The following POLE3 variants were observed in gnomAD, a reference collection of about 807,000 sequenced individuals.
POLE3 encodes DNA polymerase epsilon 3, accessory subunit.
Under a neutral mutation model 16.1 loss-of-function variants are expected in POLE3, and 10 were observed. The observed-to-expected ratio is 0.62, with a 90% CI of 0.38 to 1.05. POLE3 has a LOEUF of 1.05. Ranked by LOEUF, POLE3 falls within the 50% of genes least tolerant of loss-of-function variation. The pLI, the probability that POLE3 is intolerant of heterozygous loss-of-function variation, is 0.01. For synonymous variants in POLE3, 83 were observed against 71.0 expected (o/e 1.17, Z -0.85); for missense variants, 169 against 185.0 (o/e 0.91, Z 0.50).
chr9:113,408,961 G>T lies in POLE3; in HGVS notation c.294C>A (p.Gly98=), dbSNP rs763933397. The part of the protein sequence containing the change: ...ALEAYRREQK[G]KKEASEQKKK... ...TCTTTTGCTCTGAGGCCTCCTTCTTGCCTTTCTGCTCCCGCCTATATGCTG... is the reference window on the plus strand; with the variant it reads ...TCTTTTGCTCTGAGGCCTCCTTCTTTCCTTTCTGCTCCCGCCTATATGCTG... Residue 98 remains glycine, a synonymous_variant, in exon 5 of 5, where the codon GGC becomes GGA. Transcript: ENST00000374171. The T allele has an allele frequency of 1.4e-5, 22 of 1,613,572 alleles. No individual in the cohort carries two copies. Among genetic ancestry groups the T allele is most frequent in the Non-Finnish European group, 1.9e-5 (22 of 1,179,896 alleles).
chr9:113,408,271 G>C lies in POLE3; in HGVS notation c.*540C>G, dbSNP rs1227541152. The C allele has an allele frequency of 1.3e-5, 2 of 152,370 alleles. No individual in the cohort carries two copies. The highest frequency in any genetic ancestry group is 2.9e-5 in the Non-Finnish European group (2 of 68,154). 9.4% of individuals were successfully genotyped at this position (152,370 alleles called of 1,614,324 possible). On this transcript the variant is annotated 3_prime_UTR_variant, in exon 5 of 5. Coordinates refer to ENST00000374171, the MANE Select transcript of POLE3 (RefSeq NM_017443.5). ...AGTTAATGCTTCTGTCAAGTGAAGA[G>C]AGAGAACGGATTTTGTTATTCTCCC...
intron 4 of POLE3, 73 bp downstream of exon 4, chr9:113,409,537 G>C: frequency 1.1e-6 from 1 of 904,862 alleles, no homozygotes; most frequent in Non-Finnish European, 1.8e-6. Flanking sequence ...CGCTGAGAAG[G>C]CTCAGGGCCT....
rs14419 is a variant in POLE3, at chr9:113,408,279, G to A, written c.*532C>T. On this transcript the variant is annotated 3_prime_UTR_variant, in exon 5 of 5. Transcript: ENST00000374171. Reference sequence around the variant, plus strand: ...CTTCTGTCAAGTGAAGAGAGAGAACGGATTTTGTTATTCTCCCACAGCATT... The same window carrying A: ...CTTCTGTCAAGTGAAGAGAGAGAACAGATTTTGTTATTCTCCCACAGCATT... 55,628 of 152,080 alleles carry A rather than the reference G, an allele frequency of 0.37. 10,775 individuals are homozygous for A. Among genetic ancestry groups the A allele is most frequent in the African/African-American group, 0.47 (19,443 of 41,450 alleles). The allele number at this position is 152,080 out of a possible 1,614,324, so 9.4% of individuals were successfully genotyped here.
intron 4 of POLE3, 55 bp downstream of exon 4, chr9:113,409,555 A>C: frequency 1.1e-5 from 11 of 1,039,090 alleles, no homozygotes; most frequent in Non-Finnish European, 1.7e-5. Context: ...CCTGGTGAAC[A>C]GGTCACACAG....
rs561649053 is a variant in POLE3, at chr9:113,410,045, T to C, written c.152+10A>G. The C allele has an allele frequency of 1.4e-5, 21 of 1,553,014 alleles. No individual in the cohort carries two copies. The highest frequency in any genetic ancestry group is 1.8e-5 in the Non-Finnish European group (21 of 1,148,764). ...TCCCCGCGCCTCCCTTATGCCTCTG[T>C]CCCGCTCACCAGGATGTGGCGTACA... On this transcript the variant is annotated intron_variant, in intron 3 of 4. Transcript: ENST00000374171.
intron 4 of POLE3, 141 bp downstream of exon 4, chr9:113,409,469 C>A: frequency 1.6e-6 from 1 of 623,716 alleles, no homozygotes; most frequent in South Asian, 1.9e-5. Flanking sequence ...TGAGGTGGTG[C>A]CCACCGAACT....
chr9:113,409,539 T>C, intron 4 of POLE3, 71 bp downstream of exon 4: 1 of 927,218 alleles, frequency 1.1e-6, no homozygotes, highest in Non-Finnish European at 1.8e-6. Context: ...CTGAGAAGGC[T>C]CAGGGCCTGG....
chr9:113,410,138 G>C lies in POLE3; in HGVS notation c.69C>G (p.Leu23=), dbSNP rs578064631. The C allele has an allele frequency of 6.3e-7, 1 of 1,599,902 alleles. No individual in the cohort carries two copies. Among genetic ancestry groups the C allele is most frequent in the Non-Finnish European group, 8.5e-7 (1 of 1,173,770 alleles). Reference sequence around the variant, plus strand: ...CCTTGGAGATGTTGACACCGTCCGGGAGCTGCGAGGAGACCGGGGGTGAGC... The same window carrying C: ...CCTTGGAGATGTTGACACCGTCCGGCAGCTGCGAGGAGACCGGGGGTGAGC... ...AVITRIIKEA[L]PDGVNISKEA... The change falls in exon 3 of 5, where the codon CTC becomes CTG. Residue 23 remains leucine (L), a splice_region_variant and synonymous_variant. Transcript: ENST00000374171.
intron 4 of POLE3, 92 bp from the exon 5 acceptor site, chr9:113,409,075 G>A: frequency 1.6e-6 from 2 of 1,226,830 alleles, no homozygotes; most frequent in East Asian, 4.7e-5. Flanking sequence ...TGGAAAAACG[G>A]AGGCAGATGG....
intron 3 of POLE3, 158 bp downstream of exon 3, chr9:113,409,897 T>C: frequency 1.3e-6 from 1 of 752,564 alleles, no homozygotes; most frequent in Non-Finnish European, 2.2e-6. Context: ...CAAAGTGATT[T>C]TGTTGTGTTA....
rs1247625489 is a variant in POLE3 at position 113,409,515 on chromosome 9, T to TAA, written c.271+93_271+94dup. The TAA allele has an allele frequency of 1.6e-5, 12 of 758,562 alleles. No homozygotes were observed. The East Asian group carries it at 2.9e-4, about 19-fold the overall frequency. The allele number at this position is 758,562 out of a possible 1,614,324, so 47.0% of individuals were successfully genotyped here. ...ACATCAAGTGCTGGCTTACTGGACT[T>TAA]AAAGGGACCCGCGCTGAGAAGGCTC... On this transcript the variant is annotated intron_variant, in intron 4 of 4. Transcript: ENST00000374171.
intron 2 of POLE3, 28 bp downstream of exon 2, chr9:113,410,200 G>T (rs1336774342): frequency 1.7e-5 from 28 of 1,611,860 alleles, no homozygotes; most frequent in Non-Finnish European, 2.2e-5. Context: ...CCTCCTGCCC[G>T]TTCGTCCGCC....
chr9:113,408,726 C>T lies in POLE3; in HGVS notation c.*85G>A. ...GGCACTTTTGCCTGAGACTACTCTGCCCAGCATGGAAAAGCTTCACAGAAA... is the reference window on the plus strand; with the variant it reads ...GGCACTTTTGCCTGAGACTACTCTGTCCAGCATGGAAAAGCTTCACAGAAA... On this transcript the variant is annotated 3_prime_UTR_variant, in exon 5 of 5. Transcript: ENST00000374171. 1 of 1,150,288 alleles carries T rather than the reference C, an allele frequency of 8.7e-7. No homozygotes were observed. The allele number at this position is 1,150,288 out of a possible 1,614,324, so 71.3% of individuals were successfully genotyped here.
In POLE3 at chr9:113,408,849, C is replaced by T. The variant is rs866317642; in HGVS notation, c.406G>A (p.Glu136Lys). 3.7e-6 allele frequency: 6 copies of T among 1,613,714 alleles called. No individual in the cohort carries two copies. Among genetic ancestry groups the T allele is most frequent in the Middle Eastern group, 1.7e-4 (1 of 6,060 alleles). Residue 136 changes from glutamate to lysine, a missense_variant, in exon 5 of 5, where the codon GAA becomes AAA. Glu to Lys is a moderately conservative substitution (Grantham distance 56). Transcript: ENST00000374171. ...DNDEDEERLE[E>K]EEQNEEEEVD... ...TCTTCCTCTTCATTCTGTTCTTCTT[C>T]TTCCAGCCTTTCTTCGTCTTCATCA...
Position 113,408,609 on chromosome 9 carries a change from A to T in POLE3, c.*202T>A. 2 of 483,204 alleles carry T rather than the reference A, an allele frequency of 4.1e-6. No homozygotes were observed. 29.9% of individuals were successfully genotyped at this position (483,204 alleles called of 1,614,324 possible). On this transcript the variant is annotated 3_prime_UTR_variant, in exon 5 of 5. Coordinates refer to ENST00000374171, the MANE Select transcript of POLE3 (RefSeq NM_017443.5). Reference sequence around the variant, plus strand: ...AAGGCCATAACCTTCAGATTGATGAAGCAAAACAGGATTCTGCTACTCAGA... The same window carrying T: ...AAGGCCATAACCTTCAGATTGATGATGCAAAACAGGATTCTGCTACTCAGA...
At chr9:113,409,309 G>A (rs1373170111) in intron 4 of POLE3, among the ~76,000 whole-genome samples, 1 of 141,498 alleles carries the variant, frequency 7.1e-6, no homozygotes, top group African/African-American at 2.7e-5. Context: ...GCGGTGAGCT[G>A]AGATCCCATC....
intron 4 of POLE3, 139 bp downstream of exon 4, chr9:113,409,471 C>G: frequency 1.6e-6 from 1 of 632,470 alleles, no homozygotes. Flanking sequence ...AGGTGGTGCC[C>G]ACCGAACTGG....
At chr9:113,409,498 T>A in intron 4 of POLE3, 112 bp downstream of exon 4, 1 of 695,256 alleles carries the variant, frequency 1.4e-6, no homozygotes, top group Non-Finnish European at 2.6e-6. Context: ...TCACATCAAG[T>A]GCTGGCTTAC....
Position 113,410,597 on chromosome 9 carries a change from C to A in POLE3, c.-116+20G>T, listed in dbSNP as rs1828088754. On this transcript the variant is annotated intron_variant, in intron 1 of 4. Coordinates refer to ENST00000374171, the MANE Select transcript of POLE3 (RefSeq NM_017443.5). ...CCATTTCTCTGCTTCTCGCCATCGC[C>A]GCGTCGGGAACCTTCTCACCAACTT... 6.2e-6 allele frequency: 3 copies of A among 485,274 alleles called. No homozygotes were observed. In the South Asian group the frequency reaches 8.4e-5, roughly 14 times the overall value. The allele number at this position is 485,274 out of a possible 1,614,324, so 30.1% of individuals were successfully genotyped here.
Sources: allele counts gnomAD v4.1 joint callset (sites outside exome capture counted in the v4.1 genomes callset), GRCh38; gene constraint gnomAD v4.1.1; transcripts MANE v1.5; gene names NCBI Gene and HGNC (gene_info 2026-07-23, HGNC 2026-07-21).